The following CACNA2D3 variants were observed in gnomAD, a reference collection of about 807,000 sequenced individuals.
The protein encoded by CACNA2D3 is voltage-dependent calcium channel subunit alpha-2/delta-3.
In CACNA2D3, 60 loss-of-function variants were observed where a neutral mutation model predicts 160.6. The ratio of observed to expected loss-of-function variants is 0.37; its 90% confidence interval spans 0.30 to 0.46. The LOEUF (loss-of-function observed/expected upper bound fraction) is 0.46. Ranked by LOEUF, CACNA2D3 falls within the 20% of genes least tolerant of loss-of-function variation. The pLI, the probability that CACNA2D3 is intolerant of heterozygous loss-of-function variation, is 1.00. For missense variants in CACNA2D3, 1,205 were observed against 1,365.0 expected (o/e 0.88, Z 1.85); for synonymous variants, 558 against 492.9 (o/e 1.13, Z -1.75).
chr3:54,924,420 A>AT (rs1262012359), intron 27 of CACNA2D3, among the ~76,000 whole-genome samples: 5 of 152,224 alleles, frequency 3.3e-5, no homozygotes, highest in Non-Finnish European at 7.3e-5. Context: ...ATATTTGTAG[A>AT]TTAATTTCGA....
chr3:54,895,315 G>A lies in CACNA2D3; in HGVS notation c.2247-1434G>A, dbSNP rs190434534. Among the ~76,000 whole-genome samples the A allele has an allele frequency of 6.6e-5, 10 of 152,278 alleles. No homozygotes were observed. The East Asian group carries it at 1.9e-3, about 29-fold the overall frequency. On this transcript the variant is annotated intron_variant, in intron 25 of 37. Transcript: ENST00000474759. Reference sequence around the variant, plus strand: ...ACACCAAGCGCCTGCTGAGAGCCAGGCCCTGGAAATATTGGGAGGAGGAAG... The same window carrying A: ...ACACCAAGCGCCTGCTGAGAGCCAGACCCTGGAAATATTGGGAGGAGGAAG...
chr3:54,576,212 G>C (rs968318806), intron 8 of CACNA2D3, among the ~76,000 whole-genome samples: 2 of 152,168 alleles, frequency 1.3e-5, no homozygotes, highest in Non-Finnish European at 2.9e-5. Flanking sequence ...CATCTCTCAA[G>C]TTCAGCTTCT....
chr3:55,036,477 T>C (rs1354145454), intron 35 of CACNA2D3, among the ~76,000 whole-genome samples: 1 of 152,028 alleles, frequency 6.6e-6, no homozygotes, highest in Non-Finnish European at 1.5e-5. Context: ...TTTTATTTTT[T>C]ATTTTTTTGA....
chr3:55,020,788 T>C (rs565519210), intron 35 of CACNA2D3, among the ~76,000 whole-genome samples: 1 of 151,816 alleles, frequency 6.6e-6, no homozygotes, highest in Non-Finnish European at 1.5e-5. Flanking sequence ...GAGGTGGAGG[T>C]TGCAGTGAGC....
At chr3:54,657,742 T>C (rs938765132) in intron 11 of CACNA2D3, among the ~76,000 whole-genome samples, 2 of 152,104 alleles carry the variant, frequency 1.3e-5, no homozygotes, top group Non-Finnish European at 2.9e-5. Flanking sequence ...ATTGTATGTA[T>C]ATAAGGTCAG....
rs192153720 is a variant in CACNA2D3, at chr3:54,999,902, G to T, written c.2691-4861G>T. The stretch of plus-strand genomic sequence containing the variant: ...AGGCTCTACCCAGCATGGGTGCAGG[G>T]CTACCAGGCTTTGTTTGTATTGCTT... On this transcript the variant is annotated intron_variant, in intron 31 of 37. Coordinates refer to ENST00000474759, the MANE Select transcript of CACNA2D3 (RefSeq NM_018398.3). Among the ~76,000 whole-genome samples, 3 of 152,202 alleles carry T rather than the reference G, an allele frequency of 2.0e-5. No homozygotes were observed. The East Asian group carries it at 5.8e-4, about 29-fold the overall frequency.
intron 31 of CACNA2D3, among the ~76,000 whole-genome samples, chr3:55,002,071 G>A (rs1418436986): frequency 3.3e-5 from 5 of 151,560 alleles, no homozygotes; most frequent in Non-Finnish European, 7.4e-5. Flanking sequence ...TGGGAGAATC[G>A]CTTGAACCTG....
At chr3:54,647,490 C>T (rs1699674139) in intron 11 of CACNA2D3, among the ~76,000 whole-genome samples, 1 of 152,210 alleles carries the variant, frequency 6.6e-6, no homozygotes. Flanking sequence ...CTGTCTGCCT[C>T]AGTTCTCCTC....
chr3:54,468,064 G>C (rs368676137), intron 4 of CACNA2D3, among the ~76,000 whole-genome samples: 1 of 152,044 alleles, frequency 6.6e-6, no homozygotes, highest in Non-Finnish European at 1.5e-5. Flanking sequence ...AATAATAGAA[G>C]TACTGCCTAG....
chr3:54,542,287 T>C (rs1354777722), intron 5 of CACNA2D3, among the ~76,000 whole-genome samples: 3 of 152,028 alleles, frequency 2.0e-5, no homozygotes, highest in Admixed American at 6.5e-5. Context: ...GTCTCAATCT[T>C]CTGACCTTGT....
intron 4 of CACNA2D3, among the ~76,000 whole-genome samples, chr3:54,397,904 G>A (rs374322466): frequency 4.2e-3 from 4 of 948 alleles, no homozygotes; most frequent in Admixed American, 0.016. Flanking sequence ...TCTGTCTAAT[G>A]TTGACAGTGG....
intron 2 of CACNA2D3, among the ~76,000 whole-genome samples, chr3:54,217,229 G>A (rs1701479261): frequency 1.3e-5 from 2 of 152,108 alleles, no homozygotes; most frequent in African/African-American, 4.8e-5. Context: ...TGACCTTATG[G>A]GGACAGGCAT....
At chr3:54,901,516 C>T (rs1432742084) in intron 27 of CACNA2D3, among the ~76,000 whole-genome samples, 2 of 152,172 alleles carry the variant, frequency 1.3e-5, no homozygotes, top group Non-Finnish European at 2.9e-5. Context: ...CTATGCCAGT[C>T]TATTGTCGAG....
At chr3:54,800,380 T>G (rs1025705671) in intron 13 of CACNA2D3, among the ~76,000 whole-genome samples, 2 of 152,248 alleles carry the variant, frequency 1.3e-5, no homozygotes, top group African/African-American at 4.8e-5. Flanking sequence ...CACAGAGAAC[T>G]GGCAGAACCT....
chr3:54,829,334 G>T (rs945683488), intron 14 of CACNA2D3, among the ~76,000 whole-genome samples: 2 of 152,286 alleles, frequency 1.3e-5, no homozygotes. Flanking sequence ...TGTCTGCCCA[G>T]TGTTGAGGAT....
intron 11 of CACNA2D3, among the ~76,000 whole-genome samples, chr3:54,706,073 G>T (rs1394357681): frequency 1.3e-5 from 2 of 152,176 alleles, no homozygotes; most frequent in African/African-American, 2.4e-5. Flanking sequence ...ATCAACTGGA[G>T]CCTCATTCCC....
At chr3:54,552,783 G>A (rs1702181015) in intron 5 of CACNA2D3, among the ~76,000 whole-genome samples, 1 of 152,126 alleles carries the variant, frequency 6.6e-6, no homozygotes, top group South Asian at 2.1e-4. Flanking sequence ...TATTCCAGGA[G>A]AATGAGGAAG....
At chr3:54,918,446 G>A in intron 27 of CACNA2D3, 5 of 1,531,114 alleles carry the variant, frequency 3.3e-6, no homozygotes, top group Non-Finnish European at 4.4e-6. Context: ...AATCCTATTT[G>A]AGACAAAAGC....
intron 35 of CACNA2D3, among the ~76,000 whole-genome samples, chr3:55,024,237 T>G (rs1703517599): frequency 6.6e-6 from 1 of 150,410 alleles, no homozygotes; most frequent in Non-Finnish European, 1.5e-5. Context: ...CCTGGGTGAT[T>G]TGGGGGATTA....
Sources: allele counts gnomAD v4.1 joint callset (sites outside exome capture counted in the v4.1 genomes callset), GRCh38; gene constraint gnomAD v4.1.1; transcripts MANE v1.5; gene names NCBI Gene and HGNC (gene_info 2026-07-23, HGNC 2026-07-21).